Variants in ZNF438 observed in about 807,000 individuals in gnomAD.
ZNF438 encodes the protein zinc finger protein 438.
In ZNF438, 25 loss-of-function variants were observed where a neutral mutation model predicts 38.0. The ratio of observed to expected loss-of-function variants is 0.66; its 90% CI spans 0.48 to 0.92. The LOEUF (loss-of-function observed/expected upper bound fraction) is 0.92. Among genes scored for constraint, ZNF438 ranks in the 40% least tolerant of loss-of-function variants. The probability of loss-of-function intolerance (pLI) is 0.00; values close to 1 mark genes in which losing one functional copy is unlikely to be tolerated. For missense variants in ZNF438, 1,007 were observed against 999.6 expected (o/e 1.01, Z -0.10); for synonymous variants, 372 against 364.1 (o/e 1.02, Z -0.25).
At chr10:31,019,178 C>CACCCTCTGTTCCAA (rs1488199952) in intron 1 of ZNF438, among the ~76,000 whole-genome samples, 2 of 152,174 alleles carry the variant, frequency 1.3e-5, no homozygotes, top group East Asian at 3.9e-4. Context: ...CAGACAATGG[C>CACCCTCTGTTCCAA]ACCCTCTGTT....
chr10:30,983,580 A>C (rs759019478), intron 1 of ZNF438, among the ~76,000 whole-genome samples: 1 of 152,212 alleles, frequency 6.6e-6, no homozygotes, highest in Non-Finnish European at 1.5e-5. Context: ...ATTTGACATG[A>C]GATTTGGGCA....
chr10:31,028,739 T>A (rs1286180829), intron 1 of ZNF438, among the ~76,000 whole-genome samples: 2 of 152,210 alleles, frequency 1.3e-5, no homozygotes, highest in African/African-American at 4.8e-5. Flanking sequence ...TTCCAAAACC[T>A]AACCAAATGC....
exon 5 of ZNF438, chr10:30,849,645 C>G (rs908093191): frequency 6.2e-7 from 1 of 1,614,168 alleles, no homozygotes; most frequent in South Asian, 1.1e-5. Flanking sequence ...TCACTGGCAA[C>G]AGCAGAAGGT....
chr10:30,962,921 T>C (rs2049656649), intron 1 of ZNF438, among the ~76,000 whole-genome samples: 1 of 152,238 alleles, frequency 6.6e-6, no homozygotes, highest in Admixed American at 6.5e-5. Context: ...CCTTTAGCTA[T>C]ATAATAAAAT....
intron 3 of ZNF438, among the ~76,000 whole-genome samples, chr10:30,904,922 C>A (rs1372166352): frequency 6.6e-6 from 1 of 152,184 alleles, no homozygotes; most frequent in Non-Finnish European, 1.5e-5. Context: ...GCCCCTGTAT[C>A]TTTCCCTGAT....
chr10:30,871,826 A>G (rs1325467716), intron 4 of ZNF438, among the ~76,000 whole-genome samples: 1 of 152,228 alleles, frequency 6.6e-6, no homozygotes, highest in African/African-American at 2.4e-5. Context: ...TTGGGAAATT[A>G]GTAGTAGCTG....
chr10:30,975,699 AAAC>A (rs1301657953), intron 1 of ZNF438, among the ~76,000 whole-genome samples: 1 of 152,212 alleles, frequency 6.6e-6, no homozygotes, highest in Non-Finnish European at 1.5e-5. Flanking sequence ...GAAAAAATGA[AAAC>A]AGTATTTTTT....
chr10:30,917,223 C>G (rs534086644), intron 2 of ZNF438, among the ~76,000 whole-genome samples: 1 of 152,198 alleles, frequency 6.6e-6, no homozygotes, highest in South Asian at 2.1e-4. Context: ...TAACCACAGT[C>G]TGTTTATCCA....
intron 3 of ZNF438, among the ~76,000 whole-genome samples, chr10:30,902,259 T>C (rs905175771): frequency 5.3e-5 from 8 of 152,106 alleles, no homozygotes; most frequent in Non-Finnish European, 7.4e-5. Flanking sequence ...ATTGGTCCAT[T>C]TTGACAGGGT....
intron 1 of ZNF438, among the ~76,000 whole-genome samples, chr10:30,976,567 C>A (rs1235057913): frequency 6.6e-6 from 1 of 152,010 alleles, no homozygotes; most frequent in Admixed American, 6.6e-5. Context: ...TATAGCAAGG[C>A]CCTATCTCTA....
Position 30,910,188 on chromosome 10 carries a change from G to A in ZNF438, c.-114-1173C>T, listed in dbSNP as rs538943650. Among the ~76,000 whole-genome samples the A allele has an allele frequency of 2.6e-5, 4 of 152,252 alleles. No homozygotes were observed. In the South Asian group the frequency reaches 8.3e-4, roughly 32 times the overall value. ...TGTGTACTTGGTAAAGGGGGAAGAA[G>A]ATTCACCTGAGACTATAGGTGAAGG... On this transcript the variant is annotated intron_variant, in intron 2 of 5. Transcript: ENST00000413025.
chr10:30,980,884 T>C (rs2052051358), intron 1 of ZNF438, among the ~76,000 whole-genome samples: 2 of 152,222 alleles, frequency 1.3e-5, no homozygotes. Flanking sequence ...ATGAAGTCCA[T>C]AGCCAACCAT....
intron 3 of ZNF438, among the ~76,000 whole-genome samples, chr10:30,899,023 A>T (rs2041686522): frequency 1.3e-5 from 2 of 152,178 alleles, no homozygotes; most frequent in Admixed American, 1.3e-4. Context: ...AGATTAGTTA[A>T]GGTCCCGTTA....
At chr10:30,998,837 A>C (rs2054344704) in intron 1 of ZNF438, among the ~76,000 whole-genome samples, 1 of 152,114 alleles carries the variant, frequency 6.6e-6, no homozygotes, top group Non-Finnish European at 1.5e-5. Context: ...TTACAGAGGG[A>C]ATCCTTAACT....
intron 1 of ZNF438, among the ~76,000 whole-genome samples, chr10:31,006,363 A>G (rs919128467): frequency 2.0e-5 from 3 of 152,120 alleles, no homozygotes; most frequent in African/African-American, 7.2e-5. Context: ...TGAAGCTTAA[A>G]TAGAAACCCA....
intron 1 of ZNF438, among the ~76,000 whole-genome samples, chr10:30,955,303 A>C (rs1437744843): frequency 6.6e-6 from 1 of 152,240 alleles, no homozygotes; most frequent in African/African-American, 2.4e-5. Context: ...TGGTGGATTA[A>C]AGATGGCCAC....
intron 3 of ZNF438, among the ~76,000 whole-genome samples, chr10:30,900,434 A>T (rs559023805): frequency 6.6e-6 from 1 of 152,298 alleles, no homozygotes; most frequent in African/African-American, 2.4e-5. Context: ...ACCATAACTG[A>T]ATTAACCTCT....
rs1238711288 is a variant in ZNF438, at chr10:30,856,548, C to CT, written c.38-6182dup. Among the ~76,000 whole-genome samples the CT allele has an allele frequency of 1.4e-4, 22 of 152,244 alleles. No individual in the cohort carries two copies. In the South Asian group the frequency reaches 4.4e-3, roughly 30 times the overall value. On this transcript the variant is annotated intron_variant, in intron 4 of 5. Coordinates refer to ENST00000413025, the Ensembl canonical transcript of ZNF438. ...TTATTCCACTACACATTTACAAGGC[C>CT]TTTCACAGATGGTGTGATCTAAAAA...
At chr10:30,926,767 T>C (rs1296022942) in intron 2 of ZNF438, among the ~76,000 whole-genome samples, 3 of 151,892 alleles carry the variant, frequency 2.0e-5, no homozygotes, top group East Asian at 3.9e-4. Flanking sequence ...TGAATGGAAA[T>C]AGAAAATTCA....
Sources: gnomAD v4.1 joint callset for allele counts (sites outside exome capture counted in the v4.1 genomes callset) on GRCh38, gnomAD v4.1.1 for gene constraint, MANE v1.5 for transcripts, NCBI Gene and HGNC (gene_info 2026-07-23, HGNC 2026-07-21) for gene names.